The following SLC6A16 variants were observed in gnomAD, a reference collection of about 807,000 sequenced individuals.
SLC6A16 encodes orphan sodium- and chloride-dependent neurotransmitter transporter NTT5.
Under a neutral mutation model 65.4 loss-of-function variants are expected in SLC6A16, and 54 were observed. The observed-to-expected ratio is 0.83, with a 90% CI of 0.66 to 1.04. The LOEUF (loss-of-function observed/expected upper bound fraction) is 1.04, where lower values mean the gene tolerates loss of function less well. SLC6A16 is among the 50% of genes least tolerant of loss of function. The pLI, the probability that SLC6A16 is intolerant of heterozygous loss-of-function variation, is 0.00. For missense variants in SLC6A16, 816 were observed against 914.0 expected, an observed-to-expected ratio of 0.89 and a Z score of 1.38; for synonymous variants, 330 against 346.5, an observed-to-expected ratio of 0.95 and a Z score of 0.53.
intron 10 of SLC6A16, among the ~76,000 whole-genome samples, chr19:49,291,932 T>C (rs1970086540): frequency 6.6e-6 from 1 of 152,166 alleles, no homozygotes; most frequent in African/African-American, 2.4e-5. Flanking sequence ...AGACTTACAT[T>C]CCACAGCTAT....
In SLC6A16 at chr19:49,311,115, G is replaced by A. The variant is rs747903139; in HGVS notation, c.233C>T (p.Ser78Leu). The change falls in exon 2 of 12, where the codon TCA becomes TTA. Residue 78 changes from serine (S) to leucine (L), a missense_variant. Ser to Leu is a moderately radical substitution (Grantham distance 145). Transcript: ENST00000335875. ...ATGCGTGGGTTTCTGGTTCAGGGCT[G>A]AGGCAGTTAACGCCTCCAATACAGA... is the stretch of plus-strand genomic sequence containing the variant. Reference protein sequence around the residue: ...QISVLEALTASALNQKPTHEK... With the variant: ...QISVLEALTALALNQKPTHEK... 1.9e-6 allele frequency: 3 copies of A among 1,614,216 alleles called. No homozygotes were observed. Among genetic ancestry groups the A allele is most frequent in the Non-Finnish European group, 2.5e-6 (3 of 1,180,034 alleles).
At chr19:49,331,642 G>A in the SLC6A16 span, 5 of 409,678 alleles carry the variant, frequency 1.2e-5, no homozygotes, top group East Asian at 7.2e-5. Flanking sequence ...CTTTATGTAA[G>A]TCCAAGGATA....
At chr19:49,328,022 G>A (rs1322369906), upstream of SLC6A16, among the ~76,000 whole-genome samples, 2 of 152,156 alleles carry the variant, frequency 1.3e-5, no homozygotes, top group African/African-American at 4.8e-5. Flanking sequence ...TGGGTGAGAT[G>A]AAAGCTATTT....
chr19:49,319,796 G>C (rs531737885), intron 1 of SLC6A16, among the ~76,000 whole-genome samples: 72 of 151,988 alleles, frequency 4.7e-4, no homozygotes, highest in Non-Finnish European at 8.2e-4. Flanking sequence ...TTTTCCAGGA[G>C]AGACCACAAA....
chr19:49,318,697 G>A (rs1352985022), intron 1 of SLC6A16, among the ~76,000 whole-genome samples: 1 of 152,034 alleles, frequency 6.6e-6, no homozygotes, highest in Non-Finnish European at 1.5e-5. Flanking sequence ...TAGCTAGATA[G>A]CTAGCTAGCT....
At chr19:49,323,460 G>T (rs1209829223) in intron 1 of SLC6A16, among the ~76,000 whole-genome samples, 1 of 152,094 alleles carries the variant, frequency 6.6e-6, no homozygotes, top group East Asian at 1.9e-4. Flanking sequence ...AAAATCATAT[G>T]TATAATAAGA....
At chr19:49,317,674 C>T (rs895697240) in intron 1 of SLC6A16, among the ~76,000 whole-genome samples, 13 of 151,796 alleles carry the variant, frequency 8.6e-5, no homozygotes, top group South Asian at 2.1e-4. Context: ...GGCATGGTGG[C>T]GGGCGCCTGT....
chr19:49,328,071 C>T (rs1274441726), upstream of SLC6A16, among the ~76,000 whole-genome samples: 1 of 152,126 alleles, frequency 6.6e-6, no homozygotes, highest in African/African-American at 2.4e-5. Flanking sequence ...ATTTTAATGG[C>T]AGGCTCCCCC....
chr19:49,338,678 C>G, the SLC6A16 span: 3 of 1,572,960 alleles, frequency 1.9e-6, no homozygotes, highest in South Asian at 3.3e-5. This position sits in a 1 kb window ranked among gnomAD's most constrained non-coding sequence, Gnocchi z 5.0. Context: ...CCCGGTCCCT[C>G]TGACTCGTAT....
At chr19:49,298,277 T>TA (rs1970221286) in intron 7 of SLC6A16, among the ~76,000 whole-genome samples, 1 of 152,166 alleles carries the variant, frequency 6.6e-6, no homozygotes, top group Non-Finnish European at 1.5e-5. Context: ...CCAATTAAAC[T>TA]GAAGAGCTTC....
At chr19:49,312,967 G>C (rs1283736419) in intron 1 of SLC6A16, among the ~76,000 whole-genome samples, 1 of 150,810 alleles carries the variant, frequency 6.6e-6, no homozygotes, top group Non-Finnish European at 1.5e-5. Flanking sequence ...CCTGTAATCT[G>C]AGCTACTCAG....
At chr19:49,314,975 T>G (rs1224719693) in intron 1 of SLC6A16, among the ~76,000 whole-genome samples, 1 of 152,066 alleles carries the variant, frequency 6.6e-6, no homozygotes, top group East Asian at 1.9e-4. Context: ...AAAAGGAAGT[T>G]TCTTCTAAGA....
chr19:49,335,666 T>A, the SLC6A16 span: 1 of 1,610,406 alleles, frequency 6.2e-7, no homozygotes, highest in Non-Finnish European at 8.5e-7. This position sits in a 1 kb window ranked among gnomAD's most constrained non-coding sequence, Gnocchi z 4.6. Flanking sequence ...AACCCAGCCC[T>A]CATCTTCCCC....
chr19:49,325,895 G>A (rs1267809160), upstream of SLC6A16, among the ~76,000 whole-genome samples: 2 of 152,128 alleles, frequency 1.3e-5, no homozygotes. Flanking sequence ...TGGGCGCGGT[G>A]GCTGACGCCT....
intron 1 of SLC6A16, among the ~76,000 whole-genome samples, chr19:49,318,870 T>TTTC (rs1970659627): frequency 7.0e-6 from 1 of 142,616 alleles, no homozygotes; most frequent in African/African-American, 2.7e-5. Context: ...AACTGGCTAT[T>TTTC]TTTTTTTTTT....
chr19:49,333,948 G>A, the SLC6A16 span, among the ~76,000 whole-genome samples: 1 of 152,194 alleles, frequency 6.6e-6, no homozygotes, highest in Admixed American at 6.5e-5. Context: ...CCTCCTCTGG[G>A]GCCTCCGCTC....
At chr19:49,310,536 C>CT (rs1568535316) in intron 2 of SLC6A16, 26 bp from the exon 3 acceptor site, 2 of 1,613,730 alleles carry the variant, frequency 1.2e-6, no homozygotes, top group Non-Finnish European at 1.7e-6. Context: ...AGAAGGGACT[C>CT]TGAGAACCAT....
chr19:49,336,835 G>T, the SLC6A16 span: 1 of 1,557,672 alleles, frequency 6.4e-7, no homozygotes, highest in Non-Finnish European at 8.8e-7. Context: ...CACTTGGGTG[G>T]CTGCCTAGGT....
intron 1 of SLC6A16, 71 bp from the exon 2 acceptor site, chr19:49,311,482 C>A: frequency 2.1e-6 from 2 of 962,982 alleles, no homozygotes; most frequent in African/African-American, 1.7e-5. Context: ...AAACAATCCT[C>A]AACATCTCCT....
Sources: gnomAD v4.1 joint callset for allele counts (sites outside exome capture counted in the v4.1 genomes callset) on GRCh38, gnomAD v4.1.1 for gene constraint, Gnocchi (gnomAD v3.1) non-coding constraint, MANE v1.5 for transcripts, NCBI Gene and HGNC (gene_info 2026-07-23, HGNC 2026-07-21) for gene names.